The following PLCL1 variants were observed in gnomAD, a reference collection of about 807,000 sequenced individuals.
The protein encoded by PLCL1 is phospholipase C like 1 (inactive).
In PLCL1, 41 loss-of-function variants were observed where a neutral mutation model predicts 84.4. The observed-to-expected ratio is 0.49, with a 90% CI of 0.38 to 0.63. The LOEUF (loss-of-function observed/expected upper bound fraction) is 0.63, where lower values mean the gene tolerates loss of function less well. Ranked by LOEUF, PLCL1 falls within the 30% of genes least tolerant of loss-of-function variation. PLCL1 has a pLI of 0.00. For missense variants in PLCL1, 1,206 were observed against 1,367.8 expected, an observed-to-expected ratio of 0.88 and a Z score of 1.87; for synonymous variants, 490 against 488.3, an observed-to-expected ratio of 1.00 and a Z score of -0.05.
intron 1 of PLCL1, among the ~76,000 whole-genome samples, chr2:197,972,291 T>A (rs1034285252): frequency 1.3e-5 from 2 of 152,208 alleles, no homozygotes; most frequent in Non-Finnish European, 2.9e-5. Context: ...AACTCTAATT[T>A]CTTGGAAAAT....
intron 1 of PLCL1, among the ~76,000 whole-genome samples, chr2:197,989,731 A>C (rs913529228): frequency 6.9e-4 from 100 of 144,136 alleles, no homozygotes; most frequent in African/African-American, 2.7e-3. Flanking sequence ...AACAAAAAAC[A>C]AAAAAAAAAG....
At chr2:197,866,651 G>C (rs2105700488) in intron 1 of PLCL1, among the ~76,000 whole-genome samples, 1 of 152,168 alleles carries the variant, frequency 6.6e-6, no homozygotes. Flanking sequence ...AAATACTCCA[G>C]CTCCCTCACC....
At chr2:197,870,403 T>A (rs1251343277) in intron 1 of PLCL1, among the ~76,000 whole-genome samples, 3 of 152,028 alleles carry the variant, frequency 2.0e-5, no homozygotes, top group Non-Finnish European at 4.4e-5. Flanking sequence ...CTATGGTTCG[T>A]TTTTGTGGCG....
At chr2:197,989,390 T>C (rs1335216405) in intron 1 of PLCL1, among the ~76,000 whole-genome samples, 1 of 152,118 alleles carries the variant, frequency 6.6e-6, no homozygotes, top group Non-Finnish European at 1.5e-5. Context: ...CTAGCTTGAC[T>C]TTCTGAGGGA....
At position 198,146,937 on chromosome 2, in the gene PLCL1, G is replaced by C. The variant is rs773724171; in HGVS notation, c.3263G>C (p.Ser1088Thr). ...CTGGAAGCCATAGAGGAGAAGGAAA[G>C]TAGTGAGGAGAATGGGAAGCTGTGA... ...RSLEAIEEKE[S>T]SEENGKL Residue 1088 changes from serine to threonine, a missense_variant, in exon 6 of 6, where the codon AGT becomes ACT. Coordinates refer to ENST00000428675, the MANE Select transcript of PLCL1 (RefSeq NM_006226.4). 11 of 1,608,998 alleles carry C rather than the reference G, an allele frequency of 6.8e-6. No homozygotes were observed.
chr2:197,903,471 T>G (rs1216730274), intron 1 of PLCL1, among the ~76,000 whole-genome samples: 1 of 30,110 alleles, frequency 3.3e-5, no homozygotes, highest in African/African-American at 1.1e-4. Context: ...CATTTAAATT[T>G]TTTTTTTTTT....
At chr2:198,022,525 AAG>A (rs1691162093) in intron 1 of PLCL1, among the ~76,000 whole-genome samples, 1 of 152,182 alleles carries the variant, frequency 6.6e-6, no homozygotes, top group Non-Finnish European at 1.5e-5. Flanking sequence ...AAAACTCCTT[AAG>A]CTGATAAGTG....
intron 1 of PLCL1, among the ~76,000 whole-genome samples, chr2:198,038,035 C>T (rs1691584728): frequency 6.6e-6 from 1 of 152,036 alleles, no homozygotes; most frequent in African/African-American, 2.4e-5. Flanking sequence ...TACTCAAAAG[C>T]CTTACATTTA....
rs77535813 is a variant in PLCL1 at position 197,809,853 on chromosome 2, C to T, written c.240+4514C>T. 5.9e-3 allele frequency among the ~76,000 whole-genome samples: 886 copies of T among 150,004 alleles called. 13 individuals carry two copies. The highest frequency in any genetic ancestry group is 0.02 in the African/African-American group (815 of 40,632). On this transcript the variant is annotated intron_variant, in intron 1 of 5. Coordinates refer to ENST00000428675, the MANE Select transcript of PLCL1 (RefSeq NM_006226.4). ...GTGTGTGTGTGTGTTTAAATAGGGA[C>T]GGTTATGAAGGGAAATTAAATGTGA...
At chr2:198,033,018 G>T (rs1376329307) in intron 1 of PLCL1, among the ~76,000 whole-genome samples, 1 of 152,086 alleles carries the variant, frequency 6.6e-6, no homozygotes, top group Admixed American at 6.6e-5. Context: ...GGGTCACCAG[G>T]TAACATGGAA....
At chr2:197,925,564 C>T (rs963197647) in intron 1 of PLCL1, among the ~76,000 whole-genome samples, 4 of 152,182 alleles carry the variant, frequency 2.6e-5, no homozygotes, top group African/African-American at 9.6e-5. Flanking sequence ...TTGTTGGAGC[C>T]ACTCCTAGCC....
At chr2:197,975,372 A>C (rs1689958635) in intron 1 of PLCL1, among the ~76,000 whole-genome samples, 1 of 152,138 alleles carries the variant, frequency 6.6e-6, no homozygotes, top group African/African-American at 2.4e-5. Flanking sequence ...CTTGCTTCTG[A>C]AAGCATCTAC....
rs760577848 is a variant in PLCL1 at position 197,983,200 on chromosome 2, C to CTTTTTTTTTTTTTTTTTTTTTTTTTT, written c.241-100544_241-100519dup. Among the ~76,000 whole-genome samples the CTTTTTTTTTTTTTTTTTTTTTTTTTT allele has an allele frequency of 3.2e-4, 19 of 60,284 alleles. 5 individuals carry two copies. Among genetic ancestry groups the CTTTTTTTTTTTTTTTTTTTTTTTTTT allele is most frequent in the Non-Finnish European group, 5.4e-4 (18 of 33,148 alleles). The allele number at this position is 60,284 out of a possible 152,430, so 39.5% of individuals were successfully genotyped here. On this transcript the variant is annotated intron_variant, in intron 1 of 5. Coordinates refer to ENST00000428675, the MANE Select transcript of PLCL1 (RefSeq NM_006226.4). ...TTTCTTTTTCTTTTTCTTTTCTTTT[C>CTTTTTTTTTTTTTTTTTTTTTTTTTT]TTTTTTTTTTTTTTTTTTTTTTTTT...
intron 1 of PLCL1, among the ~76,000 whole-genome samples, chr2:197,814,231 T>G (rs1690645192): frequency 6.6e-6 from 1 of 152,200 alleles, no homozygotes; most frequent in African/African-American, 2.4e-5. Context: ...CTGGTGGCAT[T>G]TCGTGTCTCA....
intron 1 of PLCL1, among the ~76,000 whole-genome samples, chr2:198,029,970 A>T (rs1434081454): frequency 6.6e-6 from 1 of 151,880 alleles, no homozygotes; most frequent in Admixed American, 6.6e-5. Context: ...AAAGTGCTGG[A>T]ATTACAGATG....
intron 5 of PLCL1, among the ~76,000 whole-genome samples, chr2:198,136,710 C>T (rs747857324): frequency 4.6e-5 from 7 of 152,048 alleles, no homozygotes; most frequent in Non-Finnish European, 1.0e-4. Flanking sequence ...GATGAGGCCT[C>T]ACATTAGTAG....
intron 1 of PLCL1, among the ~76,000 whole-genome samples, chr2:197,917,500 A>AT (rs1347244177): frequency 2.0e-5 from 3 of 152,166 alleles, no homozygotes; most frequent in Admixed American, 2.0e-4. Flanking sequence ...AGTACAGAGA[A>AT]TTTTTTAGGG....
At chr2:198,001,821 C>G (rs1690607144) in intron 1 of PLCL1, 1 of 185,776 alleles carries the variant, frequency 5.4e-6, no homozygotes, top group African/African-American at 2.4e-5. Flanking sequence ...CCTGTCAGAT[C>G]AGTGGCGGCA....
At chr2:197,861,007 G>T (rs970211536) in intron 1 of PLCL1, among the ~76,000 whole-genome samples, 1 of 152,126 alleles carries the variant, frequency 6.6e-6, no homozygotes. Flanking sequence ...ACATGACTGT[G>T]TTTGATCTTC....
Sources: gnomAD v4.1 joint callset for allele counts (sites outside exome capture counted in the v4.1 genomes callset) on GRCh38, gnomAD v4.1.1 for gene constraint, MANE v1.5 for transcripts, NCBI Gene and HGNC (gene_info 2026-07-23, HGNC 2026-07-21) for gene names.